The following DLC1 variants were observed in gnomAD, a reference collection of about 807,000 sequenced individuals.
The protein encoded by DLC1 is rho GTPase-activating protein 7.
Under a neutral mutation model 140.3 loss-of-function variants are expected in DLC1, and 54 were observed. That is an observed-to-expected ratio of 0.38 (90% CI 0.31 to 0.48). The LOEUF (loss-of-function observed/expected upper bound fraction) is 0.48. DLC1 is among the 20% of genes least tolerant of loss of function. The probability of loss-of-function intolerance (pLI) is 0.96; values close to 1 mark genes in which losing one functional copy is unlikely to be tolerated. For synonymous variants in DLC1, 986 were observed against 728.1 expected (o/e 1.35, Z -5.70); for missense variants, 2,536 against 1,907.0 (o/e 1.33, Z -6.14).
intron 4 of DLC1, among the ~76,000 whole-genome samples, chr8:13,360,405 C>T (rs1178463040): frequency 6.6e-6 from 1 of 152,184 alleles, no homozygotes; most frequent in African/African-American, 2.4e-5. Flanking sequence ...ACGAGATTAT[C>T]ACTGTAGCCA....
chr8:13,222,258 TAGAG>T (rs1241429732), intron 5 of DLC1, among the ~76,000 whole-genome samples: 8 of 151,966 alleles, frequency 5.3e-5, no homozygotes, highest in Non-Finnish European at 1.2e-4. Flanking sequence ...AGAAAAGAGA[TAGAG>T]AAACCCACAT....
chr8:13,333,460 G>A (rs1671364), intron 4 of DLC1, among the ~76,000 whole-genome samples: 130,014 of 151,914 alleles, frequency 0.86, 56,051 homozygotes, highest in East Asian at 0.95. Context: ...TTTTGTCCTG[G>A]TTGGCCTTGA....
At chr8:13,145,706 G>A (rs1823382396) in intron 5 of DLC1, among the ~76,000 whole-genome samples, 1 of 152,138 alleles carries the variant, frequency 6.6e-6, no homozygotes, top group African/African-American at 2.4e-5. Context: ...AATGAGCATA[G>A]CTACATGCAA....
chr8:13,336,821 G>A (rs945595232), intron 4 of DLC1, among the ~76,000 whole-genome samples: 14 of 151,978 alleles, frequency 9.2e-5, no homozygotes, highest in Non-Finnish European at 1.5e-5. Flanking sequence ...AATATAAATG[G>A]ATATTATTGC....
At chr8:13,133,649 C>G (rs1046174684) in intron 5 of DLC1, among the ~76,000 whole-genome samples, 1 of 151,782 alleles carries the variant, frequency 6.6e-6, no homozygotes, top group African/African-American at 2.4e-5. Context: ...ACTATTGGCC[C>G]CGGGTGCAAA....
At chr8:13,417,830 G>C (rs553334136) in intron 2 of DLC1, among the ~76,000 whole-genome samples, 1 of 152,060 alleles carries the variant, frequency 6.6e-6, no homozygotes, top group African/African-American at 2.4e-5. Flanking sequence ...CCCACCAACA[G>C]TGTAAAAGTG....
At chr8:13,270,707 C>T (rs1830895882) in intron 5 of DLC1, among the ~76,000 whole-genome samples, 1 of 152,108 alleles carries the variant, frequency 6.6e-6, no homozygotes. Context: ...AAATCTATTC[C>T]ATTTGCCATT....
rs372703444 is a variant in DLC1, at chr8:13,169,857, TA to T, written c.1349-54201del. 2.8e-3 allele frequency among the ~76,000 whole-genome samples: 397 copies of T among 141,880 alleles called. 1 individual carries two copies. Among genetic ancestry groups the T allele is most frequent in the Admixed American group, 2.6e-3 (37 of 14,084 alleles). The allele number at this position is 141,880 out of a possible 152,430, so 93.1% of individuals were successfully genotyped here. A position where few individuals can be genotyped will look rare whatever the true frequency, so the allele number is the denominator to read the frequency against. ...ATGGGCAACATAGAAATACCTCATC[TA>T]AAAAAAAAAAAGCCAGATGCGGTGG... On this transcript the variant is annotated intron_variant, in intron 5 of 17. Transcript: ENST00000276297.
chr8:13,092,820 G>A lies in DLC1; in HGVS notation c.3532C>T (p.Pro1178Ser), dbSNP rs1335302132. The A allele has an allele frequency of 1.9e-6, 3 of 1,611,514 alleles. No individual in the cohort carries two copies. In the South Asian group the frequency reaches 3.3e-5, roughly 18 times the overall value. ...ETFLQIYQYV[P>S]KDQRLQAIKA... ...ATGGCCTGCAGGCGCTGGTCCTTGGGCACATCTGCACGACACCAGCACTTT... is the reference window on the plus strand; with the variant it reads ...ATGGCCTGCAGGCGCTGGTCCTTGGACACATCTGCACGACACCAGCACTTT... The change falls in exon 13 of 18, where the codon CCC becomes TCC. Residue 1178 changes from proline to serine, a missense_variant. Pro to Ser is a moderately conservative substitution (Grantham distance 74, BLOSUM62 -1). Transcript: ENST00000276297.
At chr8:13,299,816 T>C (rs940435416) in intron 5 of DLC1, among the ~76,000 whole-genome samples, 2 of 152,020 alleles carry the variant, frequency 1.3e-5, no homozygotes, top group East Asian at 1.9e-4. Flanking sequence ...TTAGTGCAAA[T>C]GGCAGCCTAA....
intron 5 of DLC1, among the ~76,000 whole-genome samples, chr8:13,282,615 T>A (rs1348693847): frequency 6.6e-6 from 1 of 152,222 alleles, no homozygotes; most frequent in Admixed American, 6.5e-5. Context: ...TTCTTCATTT[T>A]ATTTTATTCC....
intron 5 of DLC1, among the ~76,000 whole-genome samples, chr8:13,192,157 G>A (rs1316478438): frequency 1.3e-5 from 2 of 151,742 alleles, no homozygotes; most frequent in Non-Finnish European, 2.9e-5. Flanking sequence ...TACCATGTTG[G>A]CCAGGCTGGT....
intron 5 of DLC1, among the ~76,000 whole-genome samples, chr8:13,221,074 C>A (rs1030948727): frequency 4.6e-5 from 7 of 152,188 alleles, no homozygotes; most frequent in Non-Finnish European, 8.8e-5. Flanking sequence ...AAGGGAATAT[C>A]TTTTGAGTCT....
chr8:13,346,732 C>G (rs963111110), intron 4 of DLC1, among the ~76,000 whole-genome samples: 2 of 152,122 alleles, frequency 1.3e-5, no homozygotes, highest in African/African-American at 4.8e-5. Flanking sequence ...CTTTGTCAGT[C>G]TCCTTTTTAT....
chr8:13,094,661 A>G (rs1272493215), intron 12 of DLC1, 98 bp downstream of exon 12: 2 of 1,341,338 alleles, frequency 1.5e-6, no homozygotes, highest in Non-Finnish European at 1.0e-6. Context: ...GCGAGACTCC[A>G]TCTCAAAAAA....
In DLC1 at chr8:13,099,508, G is replaced by A. The variant is rs773078146; in HGVS notation, c.2829C>T (p.Cys943=). 3.7e-6 allele frequency: 6 copies of A among 1,614,154 alleles called. No individual in the cohort carries two copies. Among genetic ancestry groups the A allele is most frequent in the South Asian group, 2.2e-5 (2 of 91,080 alleles). The change falls in exon 9 of 18, where the codon TGC becomes TGT. Residue 943 remains cysteine, a synonymous_variant. Transcript: ENST00000276297. ...GGTGTATCTGTTTTGGAGAGGACGGGCAGGGAGAGACCGAGTCCAGGGCTG... is the reference window on the plus strand; with the variant it reads ...GGTGTATCTGTTTTGGAGAGGACGGACAGGGAGAGACCGAGTCCAGGGCTG... The part of the protein sequence containing the change: ...SDSALDSVSP[C]PSSPKQIHLD...
intron 2 of DLC1, among the ~76,000 whole-genome samples, chr8:13,475,617 G>A (rs183375263): frequency 5.9e-5 from 9 of 152,312 alleles, no homozygotes; most frequent in Admixed American, 4.6e-4. Flanking sequence ...AGACATAACT[G>A]TCACCACAAA....
chr8:13,425,014 T>A (rs1316867617), intron 2 of DLC1, among the ~76,000 whole-genome samples: 1 of 152,140 alleles, frequency 6.6e-6, no homozygotes, highest in African/African-American at 2.4e-5. Context: ...TGCTGAGAAT[T>A]CTATGACTTT....
chr8:13,494,011 A>G (rs928188745), intron 2 of DLC1, among the ~76,000 whole-genome samples: 13 of 152,366 alleles, frequency 8.5e-5, no homozygotes, highest in South Asian at 4.1e-4. Context: ...AGTATGTACA[A>G]TATAATGTTT....
Sources: allele counts gnomAD v4.1 joint callset (sites outside exome capture counted in the v4.1 genomes callset), GRCh38; gene constraint gnomAD v4.1.1; transcripts MANE v1.5; gene names NCBI Gene and HGNC (gene_info 2026-07-23, HGNC 2026-07-21).